The following TUSC3 variants were observed in gnomAD, a reference collection of about 807,000 sequenced individuals.
The protein encoded by TUSC3 is dolichyl-diphosphooligosaccharide--protein glycosyltransferase subunit TUSC3.
In TUSC3, 45 loss-of-function variants were observed where a neutral mutation model predicts 44.8. The observed-to-expected ratio is 1.00, with a 90% CI of 0.79 to 1.29. The LOEUF (loss-of-function observed/expected upper bound fraction) is 1.29. Among genes scored for constraint, TUSC3 ranks in the 50% most tolerant of loss-of-function variants. The probability of loss-of-function intolerance (pLI) is 0.00; values close to 1 mark genes in which losing one functional copy is unlikely to be tolerated. For synonymous variants in TUSC3, 212 were observed against 152.9 expected (o/e 1.39, Z -2.85); for missense variants, 519 against 437.9 (o/e 1.19, Z -1.65).
intron 1 of TUSC3, among the ~76,000 whole-genome samples, chr8:15,423,417 A>G (rs1799762385): frequency 6.6e-6 from 1 of 152,182 alleles, no homozygotes; most frequent in African/African-American, 2.4e-5. Flanking sequence ...TTTTCTACCT[A>G]GTGCGTTCCA....
chr8:15,520,679 T>C (rs1186129800), intron 2 of TUSC3, among the ~76,000 whole-genome samples: 1 of 152,200 alleles, frequency 6.6e-6, no homozygotes, highest in Admixed American at 6.5e-5. Context: ...TCCATAGTTT[T>C]CCTCATGCAT....
chr8:15,455,930 C>T (rs1402787491), intron 1 of TUSC3, among the ~76,000 whole-genome samples: 1 of 152,196 alleles, frequency 6.6e-6, no homozygotes. Context: ...ATAACATCCA[C>T]TACTGTAGAA....
rs1202078141 is a variant in TUSC3, at chr8:15,494,803, A to C, written n.189+11320A>C. On this transcript the variant is annotated intron_variant and non_coding_transcript_variant, in intron 2 of 5. Transcript: ENST00000503191. ...AATGCAGCCCTGCAACAAAAACTGG[A>C]ATTAGGGAGTTTTCTTTTCTTGTGT... Among the ~76,000 whole-genome samples, 6 of 152,264 alleles carry C rather than the reference A, an allele frequency of 3.9e-5. No homozygotes were observed. The East Asian group carries it at 1.2e-3, about 29-fold the overall frequency.
intron 1 of TUSC3, among the ~76,000 whole-genome samples, chr8:15,611,987 C>G (rs899190181): frequency 6.6e-6 from 1 of 152,082 alleles, no homozygotes; most frequent in Non-Finnish European, 1.5e-5. Flanking sequence ...ATATTAGAGT[C>G]TTGAAAAGTA....
intron 2 of TUSC3, among the ~76,000 whole-genome samples, chr8:15,636,063 G>C (rs1301280663): frequency 6.6e-6 from 1 of 152,190 alleles, no homozygotes; most frequent in Non-Finnish European, 1.5e-5. Flanking sequence ...AATGTGGGAA[G>C]ATTTGTCAAA....
At chr8:15,784,305 A>G in the TUSC3 span, among the ~76,000 whole-genome samples, 1 of 152,150 alleles carries the variant, frequency 6.6e-6, no homozygotes, top group African/African-American at 2.4e-5. Context: ...CAAAACACTA[A>G]AAATAGATTA....
chr8:15,613,658 C>G (rs966164671), intron 1 of TUSC3, among the ~76,000 whole-genome samples: 1 of 152,160 alleles, frequency 6.6e-6, no homozygotes, highest in African/African-American at 2.4e-5. Flanking sequence ...TTATAAATTA[C>G]CCAGTCTCGG....
At chr8:15,676,992 G>C (rs1808219719) in intron 6 of TUSC3, among the ~76,000 whole-genome samples, 1 of 152,054 alleles carries the variant, frequency 6.6e-6, no homozygotes, top group African/African-American at 2.4e-5. Context: ...CAGTAAATAT[G>C]ATTGGTTTGT....
intron 2 of TUSC3, among the ~76,000 whole-genome samples, chr8:15,488,304 C>G (rs952058740): frequency 5.9e-5 from 9 of 151,308 alleles, no homozygotes; most frequent in African/African-American, 2.2e-4. Context: ...CAGGACCAGC[C>G]TGAACAACAT....
At chr8:15,481,227 G>T (rs1256749366) in intron 1 of TUSC3, among the ~76,000 whole-genome samples, 1 of 131,776 alleles carries the variant, frequency 7.6e-6, no homozygotes, top group African/African-American at 2.9e-5. Flanking sequence ...AACCTGAGCA[G>T]CAAGAGTGAA....
chr8:15,609,061 T>G (rs1392963989), intron 1 of TUSC3, among the ~76,000 whole-genome samples: 1 of 152,210 alleles, frequency 6.6e-6, no homozygotes, highest in Admixed American at 6.6e-5. Context: ...TCTGTTGGAT[T>G]CTATTGAATT....
chr8:15,651,426 C>G (rs1388996140), intron 3 of TUSC3, among the ~76,000 whole-genome samples: 1 of 152,138 alleles, frequency 6.6e-6, no homozygotes, highest in East Asian at 1.9e-4. Flanking sequence ...TCCCCAAATT[C>G]ATAAGTTGAA....
chr8:15,589,486 T>G (rs988324300), intron 1 of TUSC3, among the ~76,000 whole-genome samples: 1 of 152,124 alleles, frequency 6.6e-6, no homozygotes, highest in African/African-American at 2.4e-5. Context: ...AAGTATAGTA[T>G]AAAGAGGGGT....
intron 5 of TUSC3, 63 bp downstream of exon 5, chr8:15,662,359 A>G (rs1807461842): frequency 6.3e-7 from 1 of 1,596,676 alleles, no homozygotes; most frequent in African/African-American, 1.3e-5. Context: ...AAGTTGTATA[A>G]TATTAACAAA....
In TUSC3 at chr8:15,730,714, A is replaced by G. The variant is rs755453684; in HGVS notation, c.847A>G (p.Ile283Val). 5.6e-6 allele frequency: 9 copies of G among 1,613,064 alleles called. No homozygotes were observed. The highest frequency in any genetic ancestry group is 1.3e-5 in the African/African-American group (1 of 74,888). ...GGCTCAGTTTGTGGCAGAATCACAC[A>G]TTATTCTGGTACTGAGTATCCTTTT... ...SQAQFVAESH[I>V]ILVLNAAITM... The change falls in exon 7 of 11, where the codon ATT becomes GTT. Residue 283 changes from isoleucine (I) to valine (V), a missense_variant. By Grantham distance (29) the Ile-to-Val change is conservative (BLOSUM62 3). Coordinates refer to ENST00000503731, the MANE Select transcript of TUSC3 (RefSeq NM_006765.4).
chr8:15,849,849 T>C, the TUSC3 span, among the ~76,000 whole-genome samples: 1 of 152,014 alleles, frequency 6.6e-6, no homozygotes, highest in Non-Finnish European at 1.5e-5. Flanking sequence ...AGACTTTGTG[T>C]GGCTCACTCC....
intron 9 of TUSC3, chr8:15,748,705 T>TAAC (rs1373589138): frequency 2.0e-5 from 13 of 648,060 alleles, no homozygotes; most frequent in Non-Finnish European, 3.2e-5. Context: ...TATTTTTATA[T>TAAC]AACAAATGAG....
chr8:15,484,656 A>G (rs1398359575), intron 2 of TUSC3, among the ~76,000 whole-genome samples: 3 of 152,226 alleles, frequency 2.0e-5, no homozygotes, highest in Non-Finnish European at 4.4e-5. Flanking sequence ...GTATTATTCT[A>G]GGTACACAGA....
intron 2 of TUSC3, among the ~76,000 whole-genome samples, chr8:15,623,592 A>G: frequency 6.6e-6 from 1 of 151,854 alleles, no homozygotes; most frequent in South Asian, 2.1e-4. Flanking sequence ...TTTAATAGAG[A>G]GGACTCACTT....
Sources: allele counts gnomAD v4.1 joint callset (sites outside exome capture counted in the v4.1 genomes callset), GRCh38; gene constraint gnomAD v4.1.1; transcripts MANE v1.5; gene names NCBI Gene and HGNC (gene_info 2026-07-23, HGNC 2026-07-21).